NECAB1: variants seen among roughly 807,000 people sequenced by gnomAD.
The protein encoded by NECAB1 is N-terminal EF-hand calcium-binding protein 1.
In NECAB1, 29 loss-of-function variants were observed where a neutral mutation model predicts 57.5. That is an observed-to-expected ratio of 0.50 (90% CI 0.38 to 0.69). The LOEUF is 0.69. Ranked by LOEUF, NECAB1 falls within the 30% of genes least tolerant of loss-of-function variation. The probability of loss-of-function intolerance (pLI) is 0.00; values close to 1 mark genes in which losing one functional copy is unlikely to be tolerated. For synonymous variants in NECAB1, 142 were observed against 147.7 expected (o/e 0.96, Z 0.28); for missense variants, 372 against 413.8 (o/e 0.90, Z 0.88).
rs10630870 is a variant in NECAB1, at chr8:90,927,204, C to CTCTTTTTTTTT, written c.617-1018_617-1017insCTTTTTTTTTT. Among the ~76,000 whole-genome samples, 79 of 131,100 alleles carry CTCTTTTTTTTT rather than the reference C, an allele frequency of 6.0e-4. 5 individuals carry two copies. The highest frequency in any genetic ancestry group is 1.3e-3 in the African/African-American group (44 of 33,456). The allele number at this position is 131,100 out of a possible 152,430, so 86.0% of individuals were successfully genotyped here. On this transcript the variant is annotated intron_variant, in intron 7 of 12. Transcript: ENST00000417640. ...CAATCAGCCCCTTTCTTTTCTCTCT[C>CTCTTTTTTTTT]TTTTTTTTTTTTTTGTAGCCACTTC...
intron 3 of NECAB1, among the ~76,000 whole-genome samples, chr8:90,869,135 G>C (rs995382596): frequency 6.6e-6 from 1 of 152,248 alleles, no homozygotes; most frequent in Admixed American, 6.5e-5. Context: ...TGAGCCTACA[G>C]GTGTGCAGAA....
At chr8:90,880,880 C>T (rs1392050231) in intron 4 of NECAB1, among the ~76,000 whole-genome samples, 153 bp from the exon 5 acceptor site, 3 of 151,972 alleles carry the variant, frequency 2.0e-5, no homozygotes, top group African/African-American at 7.2e-5. Flanking sequence ...AGCAGATTGT[C>T]ACCTTATTTA....
At chr8:90,792,066 C>A in intron 1 of NECAB1, 81 bp downstream of exon 1, 1 of 1,113,912 alleles carries the variant, frequency 9.0e-7, no homozygotes, top group Non-Finnish European at 1.3e-6. Flanking sequence ...GGCTCAGGTG[C>A]TGACCAGCCA....
chr8:90,842,631 C>T (rs762229402), intron 3 of NECAB1, among the ~76,000 whole-genome samples: 1 of 152,202 alleles, frequency 6.6e-6, no homozygotes, highest in Non-Finnish European at 1.5e-5. Context: ...CCATTGTGCA[C>T]CATTAGAGTT....
chr8:90,851,421 C>T (rs113338122), intron 3 of NECAB1, among the ~76,000 whole-genome samples: 2,384 of 152,142 alleles, frequency 0.016, 51 homozygotes, highest in African/African-American at 0.054. Context: ...GACTTGTGGA[C>T]GAAGCCTATA....
intron 4 of NECAB1, among the ~76,000 whole-genome samples, chr8:90,875,063 C>T (rs570890498): frequency 6.6e-6 from 1 of 152,206 alleles, no homozygotes; most frequent in African/African-American, 2.4e-5. Context: ...CCATAATTAG[C>T]TATAATCTAA....
chr8:90,857,932 A>G (rs1170755664), intron 3 of NECAB1, among the ~76,000 whole-genome samples: 2 of 152,180 alleles, frequency 1.3e-5, no homozygotes, highest in Non-Finnish European at 2.9e-5. Context: ...AAATTTAACA[A>G]TTACATTTTT....
chr8:90,889,009 T>A (rs1809083071), intron 5 of NECAB1, among the ~76,000 whole-genome samples: 1 of 152,180 alleles, frequency 6.6e-6, no homozygotes, highest in South Asian at 2.1e-4. Flanking sequence ...GCAGCCTAGT[T>A]TCTGACAGTA....
chr8:90,841,075 T>C (rs1427536499), intron 3 of NECAB1, among the ~76,000 whole-genome samples: 3 of 150,046 alleles, frequency 2.0e-5, no homozygotes, highest in Non-Finnish European at 4.4e-5. Flanking sequence ...GGCTAACATG[T>C]GAAACCCTGC....
At chr8:90,891,742 A>G (rs537478441) in intron 5 of NECAB1, among the ~76,000 whole-genome samples, 1 of 151,426 alleles carries the variant, frequency 6.6e-6, no homozygotes, top group Admixed American at 6.6e-5. Flanking sequence ...TGCGCAGGCT[A>G]GAGTGCAGTG....
intron 3 of NECAB1, among the ~76,000 whole-genome samples, chr8:90,825,997 G>A (rs1812217562): frequency 6.6e-6 from 1 of 151,764 alleles, no homozygotes; most frequent in Non-Finnish European, 1.5e-5. Context: ...CTATGTACAG[G>A]ACACTTTTGG....
chr8:90,955,611 T>A lies in NECAB1; in HGVS notation c.*99T>A. On this transcript the variant is annotated 3_prime_UTR_variant, in exon 13 of 13. Coordinates refer to ENST00000417640, the MANE Select transcript of NECAB1 (RefSeq NM_022351.5). ...TATCTGCGGTTGTTAATCTACTGTA[T>A]ATTTTTGTTTGGTATATTTACTAAG... The A allele has an allele frequency of 1.1e-6, 1 of 889,934 alleles. No individual in the cohort carries two copies. The highest frequency in any genetic ancestry group is 1.7e-6 in the Non-Finnish European group (1 of 593,770). The allele number at this position is 889,934 out of a possible 1,614,324, so 55.1% of individuals were successfully genotyped here.
rs140427278 is a variant in NECAB1, at chr8:90,866,837, C to T, written c.234-5291C>T. On this transcript the variant is annotated intron_variant, in intron 3 of 12. Transcript: ENST00000417640. ...AAATTAGTTCAACCATTGTGGAAGACAGTGTGCGATTCCTCAAGGATCTAG... is the reference window on the plus strand; with the variant it reads ...AAATTAGTTCAACCATTGTGGAAGATAGTGTGCGATTCCTCAAGGATCTAG... Among the ~76,000 whole-genome samples the T allele has an allele frequency of 6.8e-4, 103 of 152,266 alleles. No homozygotes were observed. The East Asian group carries it at 0.012, about 18-fold the overall frequency.
intron 1 of NECAB1, among the ~76,000 whole-genome samples, chr8:90,794,816 CAG>C (rs1309327859): frequency 1.2e-4 from 19 of 152,282 alleles, no homozygotes; most frequent in African/African-American, 4.6e-4. Context: ...ATAACAGTAA[CAG>C]TAGCTAAATC....
chr8:90,954,067 A>T (rs1042398862), intron 12 of NECAB1, among the ~76,000 whole-genome samples: 1 of 142,598 alleles, frequency 7.0e-6, no homozygotes, highest in African/African-American at 2.6e-5. Context: ...AGACTGTCTC[A>T]AAATAAATAA....
At chr8:90,934,503 C>T (rs1377658262) in intron 9 of NECAB1, 146 bp downstream of exon 9, 1 of 608,170 alleles carries the variant, frequency 1.6e-6, no homozygotes, top group Non-Finnish European at 2.7e-6. Context: ...GTTGTTTCTA[C>T]ATTGTGATTT....
chr8:90,832,691 A>C (rs941381725), intron 3 of NECAB1, among the ~76,000 whole-genome samples: 1 of 152,110 alleles, frequency 6.6e-6, no homozygotes, highest in Admixed American at 6.5e-5. Context: ...AAAAAACCAA[A>C]CAAACAAAAT....
chr8:90,954,431 T>C (rs1276956576), intron 12 of NECAB1, among the ~76,000 whole-genome samples: 2 of 151,886 alleles, frequency 1.3e-5, no homozygotes, highest in Non-Finnish European at 2.9e-5. Context: ...AAAAGGAGTA[T>C]ATAAACTTGG....
intron 4 of NECAB1, 136 bp downstream of exon 4, chr8:90,872,289 G>T: frequency 1.5e-6 from 1 of 686,520 alleles, no homozygotes; most frequent in Non-Finnish European, 2.3e-6. Flanking sequence ...GAGATCTCAA[G>T]GGATTTATCT....
Sources: allele counts gnomAD v4.1 joint callset (sites outside exome capture counted in the v4.1 genomes callset), GRCh38; gene constraint gnomAD v4.1.1; transcripts MANE v1.5; gene names NCBI Gene and HGNC (gene_info 2026-07-23, HGNC 2026-07-21).